Variants in LAX1 observed in about 807,000 individuals in gnomAD.
The protein encoded by LAX1 is lymphocyte transmembrane adapter 1.
A neutral mutation model predicts 20.7 loss-of-function variants in LAX1; 17 were observed. The ratio of observed to expected loss-of-function variants is 0.82; its 90% CI spans 0.56 to 1.23. The LOEUF (loss-of-function observed/expected upper bound fraction) is 1.23, where lower values mean the gene tolerates loss of function less well. LAX1 is among the 50% of genes most tolerant of loss of function. LAX1 has a pLI of 0.00. For synonymous variants in LAX1, 165 were observed against 181.0 expected (o/e 0.91, Z 0.71); for missense variants, 470 against 487.0 (o/e 0.97, Z 0.33).
chr1:203,772,154 G>C lies in LAX1; in HGVS notation c.390+7G>C, dbSNP rs1251228210. On this transcript the variant is annotated splice_region_variant and intron_variant, in intron 4 of 4. Transcript: ENST00000442561. The stretch of plus-strand genomic sequence containing the variant: ...TGAGAGCCCGGAGCATGTGGTAAGA[G>C]TCAAGCTTCTTGGGAGAATGACATG... 6.2e-7 allele frequency: 1 copy of C among 1,607,258 alleles called. No individual in the cohort carries two copies. The highest frequency in any genetic ancestry group is 8.5e-7 in the Non-Finnish European group (1 of 1,173,704).
At chr1:203,770,273 G>A (rs1281810815) in intron 1 of LAX1, among the ~76,000 whole-genome samples, 1 of 151,244 alleles carries the variant, frequency 6.6e-6, no homozygotes, top group African/African-American at 2.4e-5. Context: ...AAAATTAGCT[G>A]GGCCTCATGG....
chr1:203,766,388 G>T (rs1667304318), intron 1 of LAX1, among the ~76,000 whole-genome samples: 1 of 152,180 alleles, frequency 6.6e-6, no homozygotes, highest in African/African-American at 2.4e-5. Context: ...AGGAGGCTGA[G>T]GCAGGAGAAT....
In LAX1 at chr1:203,765,251, C is replaced by A; in HGVS notation, c.-315C>A. ...CTCTCTTGAGCCTCTTGGCAGTTTC[C>A]CCCTCTGTGCCCCTCACGTTTCCAC... On this transcript the variant is annotated 5_prime_UTR_variant, in exon 1 of 5. Transcript: ENST00000442561. The A allele has an allele frequency of 8.6e-7, 1 of 1,169,010 alleles. No homozygotes were observed. The highest frequency in any genetic ancestry group is 1.2e-6 in the Non-Finnish European group (1 of 802,378). 72.4% of individuals were successfully genotyped at this position (1,169,010 alleles called of 1,614,324 possible). A position where few individuals can be genotyped will look rare whatever the true frequency, so the allele number is the denominator to read the frequency against.
At position 203,772,150 on chromosome 1, in the gene LAX1, A is replaced by G. The variant is rs772301696; in HGVS notation, c.390+3A>G. ...ATTCTGAGAGCCCGGAGCATGTGGT[A>G]AGAGTCAAGCTTCTTGGGAGAATGA... On this transcript the variant is annotated splice_donor_region_variant and intron_variant, in intron 4 of 4. Coordinates refer to ENST00000442561, the MANE Select transcript of LAX1 (RefSeq NM_017773.4). 6.8e-6 allele frequency: 11 copies of G among 1,609,154 alleles called. No homozygotes were observed. The highest frequency in any genetic ancestry group is 6.8e-6 in the Non-Finnish European group (8 of 1,175,542).
In LAX1 at chr1:203,774,638, A is replaced by G. The variant is rs770901916; in HGVS notation, c.1154A>G (p.Asp385Gly). The G allele has an allele frequency of 6.2e-7, 1 of 1,614,052 alleles. No individual in the cohort carries two copies. Among genetic ancestry groups the G allele is most frequent in the East Asian group, 2.2e-5 (1 of 44,888 alleles). The change falls in exon 5 of 5, where the codon GAC (aspartate) becomes GGC (glycine). Residue 385 changes from aspartate to glycine, a missense_variant. By Grantham distance (94) the Asp-to-Gly change is moderately conservative. Coordinates refer to ENST00000442561, the MANE Select transcript of LAX1 (RefSeq NM_017773.4). ...CTAACTGCCAAGTTAGGAGGCAGGG[A>G]CTCTGAGCAGGGGCCTGGCACTCAG... The part of the protein sequence containing the change: ...NVLTAKLGGR[D>G]SEQGPGTQLL...
chr1:203,767,822 G>A (rs997300474), intron 1 of LAX1, among the ~76,000 whole-genome samples: 6 of 152,142 alleles, frequency 3.9e-5, no homozygotes, highest in African/African-American at 1.4e-4. Flanking sequence ...ATAGACAAGT[G>A]GGAGAGTCAA....
At chr1:203,771,029 A>G (rs1667412986) in intron 2 of LAX1, 92 bp downstream of exon 2, 5 of 1,073,638 alleles carry the variant, frequency 4.7e-6, no homozygotes, top group Non-Finnish European at 7.2e-6. Flanking sequence ...GGGATAAACT[A>G]TTGGCCTGGG....
chr1:203,771,499 A>C, intron 3 of LAX1, 22 bp downstream of exon 3: 2 of 1,375,514 alleles, frequency 1.5e-6, no homozygotes, highest in Non-Finnish European at 2.1e-6. Context: ...CTTCTAATCT[A>C]TGGAGTCCAG....
chr1:203,774,627 A>C lies in LAX1; in HGVS notation c.1143A>C (p.Leu381Phe). The C allele has an allele frequency of 6.2e-7, 1 of 1,614,248 alleles. No homozygotes were observed. Among genetic ancestry groups the C allele is most frequent in the Non-Finnish European group, 8.5e-7 (1 of 1,180,042 alleles). The stretch of plus-strand genomic sequence containing the variant: ...ATGAAAATGTGCTAACTGCCAAGTT[A>C]GGAGGCAGGGACTCTGAGCAGGGGC... ...SDYENVLTAKLGGRDSEQGPG... is the reference protein window; with the variant it reads ...SDYENVLTAKFGGRDSEQGPG... Residue 381 changes from leucine to phenylalanine, a missense_variant, in exon 5 of 5, where the codon TTA becomes TTC. Coordinates refer to ENST00000442561, the MANE Select transcript of LAX1 (RefSeq NM_017773.4).
Position 203,765,490 on chromosome 1 carries a change from CA to C in LAX1, c.-75del, listed in dbSNP as rs1667289796. 7.5e-6 allele frequency: 12 copies of C among 1,593,708 alleles called. No homozygotes were observed. Among genetic ancestry groups the C allele is most frequent in the Non-Finnish European group, 1.0e-5 (12 of 1,168,430 alleles). Reference sequence around the variant, plus strand: ...TGCGGGGGTGGGGAGAAGTGGTAGACATGCTGGCTAACTGATTATGATTAAG... The same window carrying C: ...TGCGGGGGTGGGGAGAAGTGGTAGACTGCTGGCTAACTGATTATGATTAAG... On this transcript the variant is annotated 5_prime_UTR_variant, in exon 1 of 5. The change abolishes an upstream ATG in the 5' untranslated region. Coordinates refer to ENST00000442561, the MANE Select transcript of LAX1 (RefSeq NM_017773.4).
At chr1:203,768,698 G>A (rs1303335228) in intron 1 of LAX1, among the ~76,000 whole-genome samples, 4 of 152,222 alleles carry the variant, frequency 2.6e-5, no homozygotes, top group African/African-American at 7.2e-5. Flanking sequence ...ATGAGTAGAG[G>A]AGGGATGTGA....
chr1:203,766,556 T>C (rs565560827), intron 1 of LAX1, among the ~76,000 whole-genome samples: 1 of 152,362 alleles, frequency 6.6e-6, no homozygotes, highest in African/African-American at 2.4e-5. Context: ...TGCTGGTAGA[T>C]ATGAGCATCA....
At chr1:203,770,506 GAAGGAAGAAAGAAAGAAAGA>G (rs1667397635) in intron 1 of LAX1, among the ~76,000 whole-genome samples, 3 of 24,074 alleles carry the variant, frequency 1.2e-4, no homozygotes, top group African/African-American at 4.4e-4. Context: ...AGGAAGGAAG[GAAGGAAGAAAGAAAGAAAGA>G]AAGAAAGAAA....
At chr1:203,773,794 C>A (rs1409963337) in intron 4 of LAX1, 81 bp from the exon 5 acceptor site, 1 of 218,584 alleles carries the variant, frequency 4.6e-6, no homozygotes, top group Non-Finnish European at 9.0e-6. Flanking sequence ...TCAGAATATG[C>A]CAGTGGTATT....
Position 203,774,617 on chromosome 1 carries a change from C to A in LAX1, c.1133C>A (p.Thr378Asn). 1 of 1,614,220 alleles carries A rather than the reference C, an allele frequency of 6.2e-7. No homozygotes were observed. Among genetic ancestry groups the A allele is most frequent in the Non-Finnish European group, 8.5e-7 (1 of 1,180,042 alleles). ...TCCAGTGACTATGAAAATGTGCTAA[C>A]TGCCAAGTTAGGAGGCAGGGACTCT... is the stretch of plus-strand genomic sequence containing the variant. Reference protein sequence around the residue: ...EDSSDYENVLTAKLGGRDSEQ... With the variant: ...EDSSDYENVLNAKLGGRDSEQ... Residue 378 changes from threonine to asparagine, a missense_variant, in exon 5 of 5, where the codon ACT (threonine) becomes AAT (asparagine). Physicochemically the swap from Thr to Asn is moderately conservative, Grantham distance 65. Transcript: ENST00000442561.
chr1:203,772,782 C>T (rs1667443520), intron 4 of LAX1, among the ~76,000 whole-genome samples: 1 of 145,086 alleles, frequency 6.9e-6, no homozygotes, highest in Admixed American at 7.3e-5. Context: ...CTCAAGCAAT[C>T]CTCCCACCTC....
intron 3 of LAX1, among the ~76,000 whole-genome samples, 167 bp downstream of exon 3, chr1:203,771,644 G>A (rs1413048838): frequency 6.6e-6 from 1 of 152,152 alleles, no homozygotes; most frequent in Non-Finnish European, 1.5e-5. Flanking sequence ...AACTCCAGGG[G>A]GGTCTGGAGG....
intron 1 of LAX1, among the ~76,000 whole-genome samples, chr1:203,770,494 G>GA (rs1667395075): frequency 2.0e-4 from 8 of 40,518 alleles, no homozygotes; most frequent in East Asian, 1.4e-3. Flanking sequence ...AGGAAGGAAG[G>GA]AAGGAAGGAA....
rs1667502135 is a variant in LAX1 at position 203,775,844 on chromosome 1, A to G, written c.*1163A>G. The G allele has an allele frequency of 6.6e-6, 1 of 152,196 alleles. No homozygotes were observed. The highest frequency in any genetic ancestry group is 6.5e-5 in the Admixed American group (1 of 15,278). The allele number at this position is 152,196 out of a possible 1,614,324, so 9.4% of individuals were successfully genotyped here. On this transcript the variant is annotated 3_prime_UTR_variant, in exon 5 of 5. Transcript: ENST00000442561. ...AAAAGTCTACATGTTGGGCGATTCT[A>G]TTTATATGACATTCTGGAAAAGGCA...
Sources: gnomAD v4.1 joint callset for allele counts (sites outside exome capture counted in the v4.1 genomes callset) on GRCh38, gnomAD v4.1.1 for gene constraint, MANE v1.5 for transcripts, NCBI Gene and HGNC (gene_info 2026-07-23, HGNC 2026-07-21) for gene names.